Variants in MAP3K2 observed in about 807,000 individuals in gnomAD.
MAP3K2 encodes the protein mitogen-activated protein kinase kinase kinase 2.
In MAP3K2, 24 loss-of-function variants were observed where a neutral mutation model predicts 80.3. That is an observed-to-expected ratio of 0.30 (90% CI 0.22 to 0.42). The LOEUF (loss-of-function observed/expected upper bound fraction) is 0.42. Among genes scored for constraint, MAP3K2 ranks in the 10% least tolerant of loss-of-function variants. The pLI is 1.00. For synonymous variants in MAP3K2, 244 were observed against 253.7 expected, an observed-to-expected ratio of 0.96 and a Z score of 0.36; for missense variants, 608 against 750.1, an observed-to-expected ratio of 0.81 and a Z score of 2.21.
chr2:127,369,214 T>C (rs1261037902), intron 1 of MAP3K2, among the ~76,000 whole-genome samples: 1 of 150,570 alleles, frequency 6.6e-6, no homozygotes, highest in Non-Finnish European at 1.5e-5. Flanking sequence ...CCTCCCAAAG[T>C]ACTGGGATTA....
chr2:127,336,809 A>T (rs1209402945), intron 4 of MAP3K2, among the ~76,000 whole-genome samples: 1 of 152,240 alleles, frequency 6.6e-6, no homozygotes, highest in South Asian at 2.1e-4. Context: ...TAGGCTTTTC[A>T]CTACATTAAT....
chr2:127,377,876 T>C (rs1408625034), intron 1 of MAP3K2, among the ~76,000 whole-genome samples: 1 of 152,114 alleles, frequency 6.6e-6, no homozygotes, highest in Non-Finnish European at 1.5e-5. Flanking sequence ...ACCAAGATAA[T>C]ACAGATTCAA....
Position 127,325,684 on chromosome 2 carries a change from TCAAATAAA to T in MAP3K2, c.677+36_677+43del, listed in dbSNP as rs1299201132. 9 of 1,481,430 alleles carry T rather than the reference TCAAATAAA, an allele frequency of 6.1e-6. No homozygotes were observed. The South Asian group carries it at 6.9e-5, about 11-fold the overall frequency. The allele number at this position is 1,481,430 out of a possible 1,614,324, so 91.8% of individuals were successfully genotyped here. Reference sequence around the variant, plus strand: ...GCCTGGGTGACAGCAAAACTCTGTCTCAAATAAACAAATAAACCCTCCAAAAACTACGA... The same window carrying T: ...GCCTGGGTGACAGCAAAACTCTGTCTCAAATAAACCCTCCAAAAACTACGA... On this transcript the variant is annotated intron_variant, in intron 9 of 16. Transcript: ENST00000682094.
At chr2:127,348,803 T>C (rs1188119485) in intron 1 of MAP3K2, among the ~76,000 whole-genome samples, 1 of 152,106 alleles carries the variant, frequency 6.6e-6, no homozygotes, top group African/African-American at 2.4e-5. Context: ...AAGTGGCTGG[T>C]TCTATGAATA....
chr2:127,341,766 T>A (rs533946066), intron 2 of MAP3K2, among the ~76,000 whole-genome samples: 36 of 151,846 alleles, frequency 2.4e-4, no homozygotes, highest in Non-Finnish European at 4.1e-4. Flanking sequence ...TCTCCTGACC[T>A]CGTGATCCAC....
intron 1 of MAP3K2, among the ~76,000 whole-genome samples, chr2:127,361,816 T>G (rs1249535763): frequency 6.6e-6 from 1 of 152,220 alleles, no homozygotes; most frequent in African/African-American, 2.4e-5. Context: ...GGGACCTGGG[T>G]TCAAAACCTA....
chr2:127,350,897 T>TA (rs928921570), intron 1 of MAP3K2, among the ~76,000 whole-genome samples: 7 of 151,596 alleles, frequency 4.6e-5, no homozygotes, highest in African/African-American at 9.7e-5. Flanking sequence ...TTTTAAAAAT[T>TA]AAAAAAAAGT....
At chr2:127,388,152 G>A (rs1687414970), upstream of MAP3K2, 5 of 985,232 alleles carry the variant, frequency 5.1e-6, no homozygotes, top group Non-Finnish European at 4.8e-6. Context: ...GGACGGCGCG[G>A]GGATTCCCAG....
At chr2:127,352,834 G>C (rs1045327523) in intron 1 of MAP3K2, among the ~76,000 whole-genome samples, 3 of 152,204 alleles carry the variant, frequency 2.0e-5, no homozygotes, top group Admixed American at 1.3e-4. Context: ...GAGTGCCTGC[G>C]ATTGCAGGTG....
upstream of MAP3K2, chr2:127,388,013 C>A: frequency 1.0e-6 from 1 of 983,440 alleles, no homozygotes; most frequent in Non-Finnish European, 1.2e-6. Context: ...GCCGCTCGCT[C>A]GTGCGCGCGC....
At chr2:127,329,442 C>G (rs979635110) in intron 7 of MAP3K2, among the ~76,000 whole-genome samples, 71 of 151,952 alleles carry the variant, frequency 4.7e-4, no homozygotes, top group African/African-American at 1.6e-3. Flanking sequence ...CTGCAACCTC[C>G]GCCTCCCGGG....
At chr2:127,318,777 AAAAACTAAG>A (rs1260619290) in intron 12 of MAP3K2, among the ~76,000 whole-genome samples, 1 of 152,214 alleles carries the variant, frequency 6.6e-6, no homozygotes, top group East Asian at 1.9e-4. Flanking sequence ...ACACATATCA[AAAAACTAAG>A]ATTGCAGGGC....
chr2:127,375,475 T>C (rs186908552), intron 1 of MAP3K2, among the ~76,000 whole-genome samples: 24 of 151,736 alleles, frequency 1.6e-4, no homozygotes, highest in African/African-American at 5.8e-4. Flanking sequence ...AGTGGTGCGA[T>C]CTGGGCTCAC....
chr2:127,374,618 G>T (rs1297776186), intron 1 of MAP3K2, among the ~76,000 whole-genome samples: 4 of 152,172 alleles, frequency 2.6e-5, no homozygotes, highest in Non-Finnish European at 5.9e-5. Flanking sequence ...GATGTTACAC[G>T]CATCCCTGAA....
At chr2:127,341,966 TG>T (rs1480173443) in intron 2 of MAP3K2, among the ~76,000 whole-genome samples, 2 of 152,218 alleles carry the variant, frequency 1.3e-5, no homozygotes, top group African/African-American at 4.8e-5. Flanking sequence ...TCATGATATT[TG>T]AAAAATAATT....
chr2:127,369,632 T>C (rs1352336858), intron 1 of MAP3K2, among the ~76,000 whole-genome samples: 1 of 152,138 alleles, frequency 6.6e-6, no homozygotes, highest in Non-Finnish European at 1.5e-5. Flanking sequence ...TTCAAAAACT[T>C]TTCCACAGAA....
At chr2:127,336,559 A>G (rs1686377185) in intron 4 of MAP3K2, among the ~76,000 whole-genome samples, 1 of 152,230 alleles carries the variant, frequency 6.6e-6, no homozygotes, top group Non-Finnish European at 1.5e-5. Flanking sequence ...TATAAGCCCC[A>G]TAAGGAAAAA....
At chr2:127,386,189 G>C (rs1687344079) in intron 1 of MAP3K2, among the ~76,000 whole-genome samples, 1 of 152,152 alleles carries the variant, frequency 6.6e-6, no homozygotes. Context: ...TATGCATAGA[G>C]CTTCAATTAC....
chr2:127,377,645 T>C (rs935078440), intron 1 of MAP3K2, among the ~76,000 whole-genome samples: 1 of 152,190 alleles, frequency 6.6e-6, no homozygotes, highest in Non-Finnish European at 1.5e-5. Flanking sequence ...ACCATAGTTA[T>C]TAAGTTTAAA....
Sources: allele counts gnomAD v4.1 joint callset (sites outside exome capture counted in the v4.1 genomes callset), GRCh38; gene constraint gnomAD v4.1.1; transcripts MANE v1.5; gene names NCBI Gene and HGNC (gene_info 2026-07-23, HGNC 2026-07-21).